WDR59: variants seen among roughly 807,000 people sequenced by gnomAD.
WDR59 encodes the protein WD repeat domain 59.
A neutral mutation model predicts 131.2 loss-of-function variants in WDR59; 100 were observed. The observed-to-expected ratio is 0.76, with a 90% CI of 0.65 to 0.90. The LOEUF is 0.90. Ranked by LOEUF, WDR59 falls within the 40% of genes least tolerant of loss-of-function variation. The pLI is 0.00. For missense variants in WDR59, 1,203 were observed against 1,262.2 expected (o/e 0.95, Z 0.71); for synonymous variants, 601 against 466.2 (o/e 1.29, Z -3.72).
At chr16:74,909,025 G>A (rs768839578) in intron 16 of WDR59, 48 bp from the exon 17 acceptor site, 20 of 1,546,062 alleles carry the variant, frequency 1.3e-5, no homozygotes, top group East Asian at 2.2e-5. Context: ...CAAGCTGGCC[G>A]TGGGAAATCC....
Position 74,923,861 on chromosome 16 carries a change from G to A in WDR59, c.729+65C>T, listed in dbSNP as rs556562076. 7.6e-5 allele frequency: 106 copies of A among 1,401,134 alleles called. No homozygotes were observed. In the African/African-American group the frequency reaches 9.7e-4, roughly 13 times the overall value. 86.8% of individuals were successfully genotyped at this position (1,401,134 alleles called of 1,614,324 possible). Reference sequence around the variant, plus strand: ...AAAGAAAATAAGAGAAAATGTCCCCGGGCTCCTTCTTTTTGGAACACCCAA... The same window carrying A: ...AAAGAAAATAAGAGAAAATGTCCCCAGGCTCCTTCTTTTTGGAACACCCAA... On this transcript the variant is annotated intron_variant, in intron 9 of 25. Coordinates refer to ENST00000262144, the MANE Select transcript of WDR59 (RefSeq NM_030581.4).
intron 2 of WDR59, among the ~76,000 whole-genome samples, chr16:74,961,302 AAAC>A (rs997333309): frequency 1.4e-4 from 21 of 152,232 alleles, no homozygotes; most frequent in South Asian, 2.1e-4. Context: ...CCTTGTCTCA[AAAC>A]AACAACAACA....
At chr16:74,888,610 T>C (rs2144808181) in intron 21 of WDR59, among the ~76,000 whole-genome samples, 1 of 152,362 alleles carries the variant, frequency 6.6e-6, no homozygotes, top group South Asian at 2.1e-4. Flanking sequence ...TGAATGTGGC[T>C]TCTCCAAGAA....
In WDR59 at chr16:74,887,707, G is replaced by C. The variant is rs758454602; in HGVS notation, c.2395C>G (p.Leu799Val). The change falls in exon 23 of 26, where the codon CTC (leucine) becomes GTC (valine). Residue 799 changes from leucine to valine, a missense_variant. Leu to Val is a conservative substitution (Grantham distance 32). Transcript: ENST00000262144. ...CCTATGTTCCAGCCGCCAGTGTTGA[G>C]CCCTGGGTCTGACATACTGGAGCAG... ...GSCSSMSDPG[L>V]NTGGWNIAGR... is the part of the protein sequence containing the mutation. 8 of 1,614,160 alleles carry C rather than the reference G, an allele frequency of 5.0e-6. No homozygotes were observed. The highest frequency in any genetic ancestry group is 6.8e-6 in the Non-Finnish European group (8 of 1,180,004).
At chr16:74,896,706 T>C (rs1350063660) in intron 18 of WDR59, among the ~76,000 whole-genome samples, 1 of 151,938 alleles carries the variant, frequency 6.6e-6, no homozygotes, top group Admixed American at 6.6e-5. Flanking sequence ...TTAATTAAGA[T>C]TCATATGCCC....
At chr16:74,914,368 T>C (rs1047345987) in intron 13 of WDR59, among the ~76,000 whole-genome samples, 2 of 152,218 alleles carry the variant, frequency 1.3e-5, no homozygotes, top group African/African-American at 2.4e-5. Context: ...TGACTTGATA[T>C]AGATCACTAA....
chr16:74,886,474 C>T (rs1424081688), intron 23 of WDR59, 78 bp from the exon 24 acceptor site: 13 of 1,542,460 alleles, frequency 8.4e-6, no homozygotes, highest in Admixed American at 2.0e-5. Flanking sequence ...CATAAGACAG[C>T]ACGTGGCCAA....
intron 2 of WDR59, among the ~76,000 whole-genome samples, chr16:74,962,349 G>A (rs571194646): frequency 6.6e-6 from 1 of 152,230 alleles, no homozygotes; most frequent in East Asian, 1.9e-4. Flanking sequence ...AATGTGAACA[G>A]CATTGAATCT....
At chr16:74,886,619 G>A in intron 23 of WDR59, 1 of 480,940 alleles carries the variant, frequency 2.1e-6, no homozygotes, top group South Asian at 3.4e-5. Context: ...ACACACACAT[G>A]ATGCTAACGC....
intron 14 of WDR59, among the ~76,000 whole-genome samples, chr16:74,911,841 C>G (rs536214186): frequency 1.3e-5 from 2 of 152,148 alleles, no homozygotes; most frequent in Non-Finnish European, 2.9e-5. Flanking sequence ...ATCTCCTAAC[C>G]GGAGATGAAT....
chr16:74,887,269 C>T lies in WDR59; in HGVS notation c.2419+414G>A, dbSNP rs78155461. 9.4e-3 allele frequency among the ~76,000 whole-genome samples: 1,421 copies of T among 151,658 alleles called. 12 individuals are homozygous for T. The highest frequency in any genetic ancestry group is 0.015 in the Non-Finnish European group (1,002 of 67,936). On this transcript the variant is annotated intron_variant, in intron 23 of 25. Transcript: ENST00000262144. Reference sequence around the variant, plus strand: ...TTTTTTTTTTTAAATCCAGGAAACACAAATACACCTTACTCAGCAAACAGC... The same window carrying T: ...TTTTTTTTTTTAAATCCAGGAAACATAAATACACCTTACTCAGCAAACAGC...
Position 74,929,598 on chromosome 16 carries a change from G to A in WDR59, c.652-5595C>T, listed in dbSNP as rs556247637. The stretch of plus-strand genomic sequence containing the variant: ...TGTTGGTAGGAATGTAAATTAGTAC[G>A]GCCACTATGGAGAACAGTATGGTGA... On this transcript the variant is annotated intron_variant, in intron 8 of 25. Coordinates refer to ENST00000262144, the MANE Select transcript of WDR59 (RefSeq NM_030581.4). Among the ~76,000 whole-genome samples, 14 of 152,178 alleles carry A rather than the reference G, an allele frequency of 9.2e-5. No homozygotes were observed. In the East Asian group the frequency reaches 2.1e-3, roughly 23 times the overall value.
intron 4 of WDR59, among the ~76,000 whole-genome samples, chr16:74,950,693 C>T (rs529038331): frequency 6.6e-6 from 1 of 152,080 alleles, no homozygotes; most frequent in South Asian, 2.1e-4. Flanking sequence ...GAAGCCTCGA[C>T]TGGGAGGCGG....
intron 18 of WDR59, among the ~76,000 whole-genome samples, chr16:74,900,236 T>C (rs1281512962): frequency 3.3e-5 from 5 of 151,894 alleles, no homozygotes; most frequent in African/African-American, 1.2e-4. Context: ...TGGTAAGTGT[T>C]TGGGGGGTGA....
chr16:74,929,702 C>A (rs954164518), intron 8 of WDR59, among the ~76,000 whole-genome samples: 1 of 152,098 alleles, frequency 6.6e-6, no homozygotes, highest in African/African-American at 2.4e-5. Flanking sequence ...AGAAAAAAAA[C>A]CAGTATAGCG....
At chr16:74,971,047 T>TA (rs540480150) in intron 1 of WDR59, among the ~76,000 whole-genome samples, 25 of 149,578 alleles carry the variant, frequency 1.7e-4, no homozygotes, top group South Asian at 4.2e-4. Flanking sequence ...AGACCCTGTC[T>TA]AAAAAAAAAG....
At chr16:74,882,553 C>A (rs549661357) in intron 25 of WDR59, among the ~76,000 whole-genome samples, 1 of 151,964 alleles carries the variant, frequency 6.6e-6, no homozygotes, top group Admixed American at 6.6e-5. Context: ...GCCAACATAG[C>A]GAAACCCCGT....
chr16:74,890,293 G>T (rs768674259), intron 20 of WDR59, among the ~76,000 whole-genome samples: 2 of 152,180 alleles, frequency 1.3e-5, no homozygotes, highest in Non-Finnish European at 1.5e-5. Context: ...TAGGATCACA[G>T]GCATGTGCCA....
rs777732079 is a variant in WDR59, at chr16:74,886,177, C to CAAAAAAAAAAAAAAAAAAAAAAA, written c.2546+92_2546+93insTTTTTTTTTTTTTTTTTTTTTTT. On this transcript the variant is annotated intron_variant, in intron 24 of 25. Transcript: ENST00000262144. ...TAGTGACCGGGTAAGATTCTGTGTC[C>CAAAAAAAAAAAAAAAAAAAAAAA]AAAAAAAAAAAAAGTAAGAGTTGTG... The CAAAAAAAAAAAAAAAAAAAAAAA allele has an allele frequency of 5.5e-5, 56 of 1,018,800 alleles. 3 individuals are homozygous for CAAAAAAAAAAAAAAAAAAAAAAA. The African/African-American group carries it at 7.3e-4, about 13-fold the overall frequency. The allele number at this position is 1,018,800 out of a possible 1,614,324, so 63.1% of individuals were successfully genotyped here.
Sources: gnomAD v4.1 joint callset for allele counts (sites outside exome capture counted in the v4.1 genomes callset) on GRCh38, gnomAD v4.1.1 for gene constraint, MANE v1.5 for transcripts, NCBI Gene and HGNC (gene_info 2026-07-23, HGNC 2026-07-21) for gene names.